Variants in ENTREP2 observed in about 807,000 individuals in gnomAD.
ENTREP2 encodes protein ENTREP2.
chr15:29,229,547 C>G, the ENTREP2 span, among the ~76,000 whole-genome samples: 4 of 152,134 alleles, frequency 2.6e-5, no homozygotes, highest in African/African-American at 9.7e-5. Context: ...TACATCATAT[C>G]TGAAACTAAA....
the ENTREP2 span, among the ~76,000 whole-genome samples, chr15:29,204,728 GA>G: frequency 6.6e-6 from 1 of 152,086 alleles, no homozygotes; most frequent in African/African-American, 2.4e-5. Flanking sequence ...TTACATTAAA[GA>G]AAAAATTTGT....
chr15:29,489,354 G>A, the ENTREP2 span, among the ~76,000 whole-genome samples: 1 of 152,152 alleles, frequency 6.6e-6, no homozygotes, highest in South Asian at 2.1e-4. Flanking sequence ...TAAACCATAT[G>A]GAACCATGAA....
chr15:29,644,620 T>C, the ENTREP2 span, among the ~76,000 whole-genome samples: 1 of 150,894 alleles, frequency 6.6e-6, no homozygotes, highest in Non-Finnish European at 1.5e-5. Context: ...CTGGGCAACA[T>C]GGTGAAACCC....
the ENTREP2 span, among the ~76,000 whole-genome samples, chr15:29,243,171 T>C: frequency 1.3e-5 from 2 of 152,188 alleles, no homozygotes; most frequent in Admixed American, 1.3e-4. Context: ...GTGAATACAT[T>C]TTGATCACAA....
chr15:29,389,325 C>A, the ENTREP2 span, among the ~76,000 whole-genome samples: 9,325 of 152,144 alleles, frequency 0.061, 387 homozygotes, highest in African/African-American at 0.089. Context: ...TAAGACACTA[C>A]GACATCCGGA....
chr15:29,631,638 G>A, the ENTREP2 span, among the ~76,000 whole-genome samples: 12 of 152,244 alleles, frequency 7.9e-5, no homozygotes, highest in African/African-American at 2.9e-4. Context: ...TCAGCTGTCT[G>A]CGCCAGACCT....
At chr15:29,421,204 G>A in the ENTREP2 span, among the ~76,000 whole-genome samples, 1,833 of 152,300 alleles carry the variant, frequency 0.012, 11 homozygotes, top group Non-Finnish European at 0.019. Flanking sequence ...ATTAAGGCGA[G>A]GCAAGTACTG....
the ENTREP2 span, among the ~76,000 whole-genome samples, chr15:29,644,411 T>G: frequency 2.0e-5 from 3 of 152,206 alleles, no homozygotes; most frequent in Non-Finnish European, 4.4e-5. Context: ...AGATTGCCAG[T>G]ATATAAATGA....
chr15:29,418,010 T>G, the ENTREP2 span, among the ~76,000 whole-genome samples: 1 of 152,136 alleles, frequency 6.6e-6, no homozygotes, highest in Non-Finnish European at 1.5e-5. Flanking sequence ...ATAGAAGCCA[T>G]TTAGAACATT....
the ENTREP2 span, among the ~76,000 whole-genome samples, chr15:29,311,677 G>A: frequency 2.6e-5 from 4 of 152,014 alleles, no homozygotes; most frequent in Non-Finnish European, 4.4e-5. Flanking sequence ...GTGACCGAGT[G>A]AGACTCCATC....
chr15:29,424,081 T>C, the ENTREP2 span, among the ~76,000 whole-genome samples: 1 of 152,192 alleles, frequency 6.6e-6, no homozygotes, highest in Non-Finnish European at 1.5e-5. Flanking sequence ...TCTGGAACTT[T>C]TTCCTTCCCA....
At chr15:29,303,000 T>A in the ENTREP2 span, among the ~76,000 whole-genome samples, 3 of 152,112 alleles carry the variant, frequency 2.0e-5, no homozygotes, top group African/African-American at 7.2e-5. Flanking sequence ...CAACTCTGCA[T>A]TACCCAGGGA....
the ENTREP2 span, among the ~76,000 whole-genome samples, chr15:29,597,080 C>T: frequency 8.8e-6 from 1 of 113,110 alleles, no homozygotes; most frequent in South Asian, 2.9e-4. Flanking sequence ...TATAGTATCA[C>T]TCATACAAAA....
chr15:29,468,672 T>G, the ENTREP2 span, among the ~76,000 whole-genome samples: 1 of 151,314 alleles, frequency 6.6e-6, no homozygotes, highest in Non-Finnish European at 1.5e-5. Flanking sequence ...TTGATTAAAC[T>G]AATTAAATCT....
chr15:29,554,509 A>C, the ENTREP2 span, among the ~76,000 whole-genome samples: 175 of 152,316 alleles, frequency 1.1e-3, 4 homozygotes, highest in South Asian at 0.036. Flanking sequence ...TCATAAATTC[A>C]TTGAACAAAT....
chr15:29,122,822 G>A, the ENTREP2 span: 1 of 153,616 alleles, frequency 6.5e-6, no homozygotes, highest in Non-Finnish European at 1.4e-5. Context: ...TCCTTTCACA[G>A]GAAATAGGCC....
the ENTREP2 span, chr15:29,196,716 ATT>A: frequency 1.4e-6 from 1 of 717,422 alleles, no homozygotes. Flanking sequence ...AACAATTTCT[ATT>A]GACCCAGGCC....
At chr15:29,645,898 G>C in the ENTREP2 span, among the ~76,000 whole-genome samples, 1 of 152,114 alleles carries the variant, frequency 6.6e-6, no homozygotes, top group African/African-American at 2.4e-5. Flanking sequence ...ACTTTTGTGG[G>C]AAATGCTCAG....
chr15:29,415,810 T>C, the ENTREP2 span, among the ~76,000 whole-genome samples: 1 of 152,188 alleles, frequency 6.6e-6, no homozygotes, highest in Non-Finnish European at 1.5e-5. Context: ...AGTCTCAGGA[T>C]ACAAAATCAA....
Sources: allele counts gnomAD v4.1 joint callset (sites outside exome capture counted in the v4.1 genomes callset), GRCh38; gene constraint gnomAD v4.1.1; transcripts MANE v1.5; gene names NCBI Gene and HGNC (gene_info 2026-07-23, HGNC 2026-07-21).